JADE1: variants seen among roughly 807,000 people sequenced by gnomAD.
The protein encoded by JADE1 is protein Jade-1.
A neutral mutation model predicts 81.8 loss-of-function variants in JADE1; 14 were observed. That is an observed-to-expected ratio of 0.17 (90% confidence interval 0.11 to 0.27). The LOEUF is 0.27. JADE1 is among the 10% of genes least tolerant of loss of function. The pLI is 1.00. For synonymous variants in JADE1, 353 were observed against 391.9 expected (o/e 0.90, Z 1.17); for missense variants, 690 against 1,047.9 (o/e 0.66, Z 4.71).
chr4:128,864,978 T>A (rs936693834), intron 9 of JADE1: 5 of 152,188 alleles, frequency 3.3e-5, no homozygotes, highest in Admixed American at 2.6e-4. Context: ...GCCACTTCAC[T>A]CTCATTCCTT....
Position 128,872,242 on chromosome 4 carries a change from AG to A in JADE1, c.2510del (p.Arg837LysfsTer28). 6.2e-7 allele frequency: 1 copy of A among 1,613,640 alleles called. No homozygotes were observed. The highest frequency in any genetic ancestry group is 8.5e-7 in the Non-Finnish European group (1 of 1,179,546). ...TISRRTDIIR[R>X]SILAS ...CAGCAGAAGGACAGACATTATCAGG[AG>A]AAGCATCTTGGCTTCTTGATGCAAC... On this transcript the variant is annotated frameshift_variant, in exon 11 of 11. Coordinates refer to ENST00000226319, the MANE Select transcript of JADE1 (RefSeq NM_199320.4). LOFTEE classifies it high-confidence loss of function.
At chr4:128,823,129 A>G (rs535042760) in intron 1 of JADE1, among the ~76,000 whole-genome samples, 1 of 152,334 alleles carries the variant, frequency 6.6e-6, no homozygotes, top group South Asian at 2.1e-4. Flanking sequence ...GGGAAGTTAA[A>G]AAAATACATT....
chr4:128,840,016 G>A (rs2125843601), intron 2 of JADE1, among the ~76,000 whole-genome samples: 1 of 152,352 alleles, frequency 6.6e-6, no homozygotes, highest in Non-Finnish European at 1.5e-5. Context: ...AAAAGGAACA[G>A]ACTATTTTTG....
At chr4:128,819,569 A>G (rs1560724834) in intron 1 of JADE1, among the ~76,000 whole-genome samples, 1 of 152,212 alleles carries the variant, frequency 6.6e-6, no homozygotes. Context: ...TATGTGTCAC[A>G]GCAATCAGAA....
chr4:128,861,286 T>C (rs1366506077), intron 8 of JADE1, among the ~76,000 whole-genome samples: 1 of 152,216 alleles, frequency 6.6e-6, no homozygotes, highest in African/African-American at 2.4e-5. Context: ...TCATGTCTGC[T>C]CCAAGATGGG....
chr4:128,820,688 T>G (rs957603701), intron 1 of JADE1, among the ~76,000 whole-genome samples: 1 of 141,330 alleles, frequency 7.1e-6, no homozygotes, highest in Non-Finnish European at 1.6e-5. Context: ...GTCTCTCTCT[T>G]TTTTTTTTTT....
chr4:128,871,401 G>A lies in JADE1; in HGVS notation c.1668G>A (p.Leu556=). 1 of 1,614,146 alleles carries A rather than the reference G, an allele frequency of 6.2e-7. No homozygotes were observed. The highest frequency in any genetic ancestry group is 8.5e-7 in the Non-Finnish European group (1 of 1,179,986). ...CSSSSLENML[L]FNSPSVGPDA... The stretch of plus-strand genomic sequence containing the variant: ...CCTCCTCACTGGAAAACATGCTTTT[G>A]TTTAACAGTCCTTCTGTTGGCCCTG... The change falls in exon 11 of 11, where the codon TTG becomes TTA. Residue 556 remains leucine (L), a synonymous_variant. Transcript: ENST00000226319. This position sits in a 1 kb window ranked among gnomAD's most constrained non-coding sequence, Gnocchi z 4.1.
At chr4:128,838,432 T>C (rs1729153951) in intron 2 of JADE1, among the ~76,000 whole-genome samples, 2 of 152,220 alleles carry the variant, frequency 1.3e-5, no homozygotes, top group African/African-American at 2.4e-5. Context: ...AGTTCCTAAC[T>C]CCTTTCCTGA....
At chr4:128,863,807 G>A in intron 9 of JADE1, 2 of 985,540 alleles carry the variant, frequency 2.0e-6, no homozygotes, top group Non-Finnish European at 2.4e-6. Context: ...GACACCTGCT[G>A]TAATTGGGGT....
intron 1 of JADE1, among the ~76,000 whole-genome samples, chr4:128,816,626 C>G (rs553327627): frequency 4.6e-5 from 7 of 152,264 alleles, no homozygotes; most frequent in African/African-American, 1.7e-4. Context: ...GACTGGAAAG[C>G]CTTTATCACT....
intron 8 of JADE1, among the ~76,000 whole-genome samples, chr4:128,860,927 G>A (rs1228441901): frequency 2.0e-5 from 3 of 152,042 alleles, no homozygotes; most frequent in Non-Finnish European, 4.4e-5. Context: ...AAGCTTCTTC[G>A]CAAGTGTGAA....
In JADE1 at chr4:128,846,416, C is replaced by A; in HGVS notation, c.180C>A (p.Asp60Glu). The change falls in exon 4 of 11, where the codon GAC becomes GAA. Residue 60 changes from aspartate to glutamate, a missense_variant. Coordinates refer to ENST00000226319, the MANE Select transcript of JADE1 (RefSeq NM_199320.4). This position sits in a 1 kb window ranked among gnomAD's most constrained non-coding sequence, Gnocchi z 4.0. ...TDLITAMKLH[D>E]SYQLNPDEYY... ...TGATCACTGCCATGAAGTTGCATGA[C>A]TCCTACCAGCTGAATCCGGATGAGT... 6.2e-7 allele frequency: 1 copy of A among 1,614,176 alleles called. No homozygotes were observed. Among genetic ancestry groups the A allele is most frequent in the Non-Finnish European group, 8.5e-7 (1 of 1,180,008 alleles).
chr4:128,844,826 C>T (rs1408071305), intron 3 of JADE1, among the ~76,000 whole-genome samples: 1 of 152,134 alleles, frequency 6.6e-6, no homozygotes, highest in Non-Finnish European at 1.5e-5. Flanking sequence ...TGGAAAATGA[C>T]AGGCAGGAGA....
In JADE1 at chr4:128,816,376, C is replaced by T. The variant is rs76062126; in HGVS notation, c.-27+6499C>T. 34 of 152,156 alleles carry T rather than the reference C, an allele frequency of 2.2e-4. No homozygotes were observed. In the East Asian group the frequency reaches 6.2e-3, roughly 28 times the overall value. The allele number at this position is 152,156 out of a possible 1,614,324, so 9.4% of individuals were successfully genotyped here. On this transcript the variant is annotated intron_variant, in intron 1 of 10. Coordinates refer to ENST00000226319, the MANE Select transcript of JADE1 (RefSeq NM_199320.4). ...TTTTCTTTTTTTGCAGTTCATAGCC[C>T]TGATGAAGCAAGTTACTCTGCTCTC...
chr4:128,816,904 G>C (rs113821490), intron 1 of JADE1, among the ~76,000 whole-genome samples: 47 of 150,200 alleles, frequency 3.1e-4, no homozygotes, highest in Non-Finnish European at 5.9e-4. Context: ...TTTGAGACAA[G>C]TTCTTGCTCT....
intron 8 of JADE1, among the ~76,000 whole-genome samples, chr4:128,859,051 A>G (rs1480869683): frequency 6.6e-6 from 1 of 152,030 alleles, no homozygotes; most frequent in Non-Finnish European, 1.5e-5. Flanking sequence ...GGACCTTGAA[A>G]TAGTGGAGAT....
At chr4:128,858,285 C>CA (rs2125881767) in intron 8 of JADE1, among the ~76,000 whole-genome samples, 1 of 152,214 alleles carries the variant, frequency 6.6e-6, no homozygotes, top group South Asian at 2.1e-4. Flanking sequence ...TTTTAGGCCT[C>CA]ACATTATTGA....
At chr4:128,853,719 T>G (rs1242939550) in intron 6 of JADE1, among the ~76,000 whole-genome samples, 1 of 152,226 alleles carries the variant, frequency 6.6e-6, no homozygotes, top group Non-Finnish European at 1.5e-5. Context: ...GAAAGACTTG[T>G]ATGGAATAGG....
chr4:128,829,132 C>T (rs1728320707), intron 1 of JADE1, among the ~76,000 whole-genome samples: 1 of 152,112 alleles, frequency 6.6e-6, no homozygotes, highest in South Asian at 2.1e-4. Flanking sequence ...TTGGCACACA[C>T]AGGGCAGAGA....
Sources: gnomAD v4.1 joint callset for allele counts (sites outside exome capture counted in the v4.1 genomes callset) on GRCh38, gnomAD v4.1.1 for gene constraint, Gnocchi (gnomAD v3.1) non-coding constraint, MANE v1.5 for transcripts, NCBI Gene and HGNC (gene_info 2026-07-23, HGNC 2026-07-21) for gene names.